FCHO2: variants seen among roughly 807,000 people sequenced by gnomAD.
FCHO2 encodes the protein FCH and mu domain containing endocytic adaptor 2, also known as F-BAR domain only protein 2.
FCHO2 carries 43 observed loss-of-function variants against 114.1 expected under a neutral mutation model. The ratio of observed to expected loss-of-function variants is 0.38; its 90% CI spans 0.30 to 0.49. FCHO2 has a LOEUF of 0.49. Ranked by LOEUF, FCHO2 falls within the 20% of genes least tolerant of loss-of-function variation. The probability of loss-of-function intolerance (pLI) is 0.97; values close to 1 mark genes in which losing one functional copy is unlikely to be tolerated. For missense variants in FCHO2, 807 were observed against 950.4 expected (o/e 0.85, Z 1.98); for synonymous variants, 293 against 315.2 (o/e 0.93, Z 0.75).
At chr5:73,052,642 G>A (rs887531986) in intron 13 of FCHO2, 135 bp downstream of exon 13, 18 of 717,580 alleles carry the variant, frequency 2.5e-5, no homozygotes, top group Non-Finnish European at 3.6e-5. Flanking sequence ...TTTTATACAG[G>A]GAAATAAACT....
chr5:73,064,525 T>C, intron 18 of FCHO2, among the ~76,000 whole-genome samples: 1 of 152,076 alleles, frequency 6.6e-6, no homozygotes, highest in East Asian at 1.9e-4. Flanking sequence ...TCTTCTACAC[T>C]AATTGCCAGT....
At chr5:72,993,099 T>TA (rs973175229) in intron 5 of FCHO2, among the ~76,000 whole-genome samples, 2 of 151,860 alleles carry the variant, frequency 1.3e-5, no homozygotes, top group African/African-American at 2.4e-5. Context: ...TTTAAATTTA[T>TA]AAAAAATGAA....
intron 11 of FCHO2, among the ~76,000 whole-genome samples, chr5:73,042,553 A>G (rs1326282176): frequency 6.6e-6 from 1 of 152,202 alleles, no homozygotes; most frequent in East Asian, 1.9e-4. Flanking sequence ...TATCCAGAAT[A>G]CAAAAGAATA....
chr5:72,971,040 T>G (rs1030723799), intron 2 of FCHO2, among the ~76,000 whole-genome samples: 1 of 152,226 alleles, frequency 6.6e-6, no homozygotes, highest in African/African-American at 2.4e-5. Flanking sequence ...TCATCATTTT[T>G]TATGGCTGCA....
chr5:73,070,549 C>T (rs1742590161), intron 19 of FCHO2, among the ~76,000 whole-genome samples: 1 of 147,370 alleles, frequency 6.8e-6, no homozygotes, highest in Admixed American at 6.8e-5. Context: ...TCTGGGTAAC[C>T]TTATTTTCGC....
Position 73,024,095 on chromosome 5 carries a change from T to C in FCHO2, c.796+6787T>C, listed in dbSNP as rs114209811. On this transcript the variant is annotated intron_variant, in intron 8 of 25. Transcript: ENST00000430046. ...TTTTTTTTGAGACATGGTCTTGCTCTGTCACCTAGGCTAGAATGCAGTGAT... is the reference window on the plus strand; with the variant it reads ...TTTTTTTTGAGACATGGTCTTGCTCCGTCACCTAGGCTAGAATGCAGTGAT... Among the ~76,000 whole-genome samples, 1,000 of 152,300 alleles carry C rather than the reference T, an allele frequency of 6.6e-3. 10 individuals are homozygous for C. The highest frequency in any genetic ancestry group is 0.023 in the African/African-American group (961 of 41,550).
At chr5:72,977,212 C>T (rs1052904963) in intron 2 of FCHO2, among the ~76,000 whole-genome samples, 2 of 152,166 alleles carry the variant, frequency 1.3e-5, no homozygotes, top group Admixed American at 6.5e-5. Flanking sequence ...CTGTCTTCCA[C>T]AATGGTTGAA....
At chr5:72,963,873 A>G (rs1561400924) in intron 1 of FCHO2, among the ~76,000 whole-genome samples, 1 of 138,446 alleles carries the variant, frequency 7.2e-6, no homozygotes. Context: ...ATTTTCTTTA[A>G]TCATTCCCAT....
At chr5:73,031,785 C>G (rs964141178) in intron 8 of FCHO2, among the ~76,000 whole-genome samples, 2 of 152,084 alleles carry the variant, frequency 1.3e-5, no homozygotes, top group Admixed American at 1.3e-4. Context: ...TGTAAAAGAG[C>G]ATCAGGAGAC....
intron 8 of FCHO2, chr5:73,020,718 C>G: frequency 8.3e-7 from 1 of 1,205,738 alleles, no homozygotes; most frequent in South Asian, 1.2e-5. Flanking sequence ...ATTGGATGCT[C>G]ATTTTCTGTT....
intron 2 of FCHO2, among the ~76,000 whole-genome samples, chr5:72,985,448 C>T (rs1037504818): frequency 6.6e-6 from 1 of 152,092 alleles, no homozygotes; most frequent in African/African-American, 2.4e-5. Flanking sequence ...AGACATGAGC[C>T]ACCACGCCCG....
intron 8 of FCHO2, among the ~76,000 whole-genome samples, chr5:73,020,538 A>T (rs986707602): frequency 6.6e-6 from 1 of 152,230 alleles, no homozygotes; most frequent in Non-Finnish European, 1.5e-5. Context: ...CATCAAAGGC[A>T]GGTTTGTGTT....
At chr5:72,968,695 T>G in intron 2 of FCHO2, 106 bp downstream of exon 2, 1 of 784,616 alleles carries the variant, frequency 1.3e-6, no homozygotes, top group Non-Finnish European at 1.9e-6. Context: ...ATAAAGTAAT[T>G]GTTTTAAAAT....
chr5:73,034,661 C>T lies in FCHO2; in HGVS notation c.801C>T (p.Leu267=), dbSNP rs947742131. 6.3e-7 allele frequency: 1 copy of T among 1,595,542 alleles called. No individual in the cohort carries two copies. The highest frequency in any genetic ancestry group is 1.4e-5 in the African/African-American group (1 of 73,898). Residue 267 remains leucine (L), a synonymous_variant, in exon 9 of 26, where the codon CTC becomes CTT. Transcript: ENST00000430046. ...SKGTGKERPG[L]IEFEECDTAS... ...TTTCAATTTCTTTTTTTCCAGGCCT[C>T]ATTGAATTTGAAGAATGTGACACTG... is the stretch of plus-strand genomic sequence containing the variant.
chr5:73,009,052 T>C (rs1754861951), intron 6 of FCHO2, among the ~76,000 whole-genome samples: 1 of 152,152 alleles, frequency 6.6e-6, no homozygotes, highest in African/African-American at 2.4e-5. Flanking sequence ...GAGAGACTCA[T>C]TATTGAGATT....
intron 16 of FCHO2, among the ~76,000 whole-genome samples, chr5:73,056,736 C>T (rs767792593): frequency 1.3e-5 from 2 of 152,068 alleles, no homozygotes; most frequent in Admixed American, 6.6e-5. Context: ...TGGTTATTCT[C>T]ATGGGAATTT....
intron 24 of FCHO2, among the ~76,000 whole-genome samples, chr5:73,084,321 A>T (rs531156744): frequency 2.2e-4 from 34 of 152,236 alleles, no homozygotes; most frequent in African/African-American, 7.7e-4. Flanking sequence ...TCTGGAGTGC[A>T]GCGGCATGAT....
chr5:73,011,676 C>T (rs1167934643), intron 6 of FCHO2, among the ~76,000 whole-genome samples: 1 of 151,984 alleles, frequency 6.6e-6, no homozygotes, highest in Non-Finnish European at 1.5e-5. Flanking sequence ...TTTGGGAGGG[C>T]GAGGTGGGCA....
intron 22 of FCHO2, among the ~76,000 whole-genome samples, chr5:73,078,994 A>G (rs887451949): frequency 6.6e-6 from 1 of 152,216 alleles, no homozygotes; most frequent in Non-Finnish European, 1.5e-5. Context: ...TTATACATCT[A>G]ATATAATACT....
Sources: allele counts gnomAD v4.1 joint callset (sites outside exome capture counted in the v4.1 genomes callset), GRCh38; gene constraint gnomAD v4.1.1; transcripts MANE v1.5; gene names NCBI Gene and HGNC (gene_info 2026-07-23, HGNC 2026-07-21).